LRFN5: variants seen among roughly 807,000 people sequenced by gnomAD.
The protein encoded by LRFN5 is leucine rich repeat and fibronectin type III domain containing 5.
Under a neutral mutation model 45.6 loss-of-function variants are expected in LRFN5, and 24 were observed. The ratio of observed to expected loss-of-function variants is 0.53; its 90% CI spans 0.38 to 0.74. The LOEUF (loss-of-function observed/expected upper bound fraction) is 0.74, where lower values mean the gene tolerates loss of function less well. Ranked by LOEUF, LRFN5 falls within the 30% of genes least tolerant of loss-of-function variation. LRFN5 has a pLI of 0.00. For missense variants in LRFN5, 776 were observed against 861.5 expected (o/e 0.90, Z 1.24); for synonymous variants, 340 against 313.8 (o/e 1.08, Z -0.88).
intron 1 of LRFN5, among the ~76,000 whole-genome samples, chr14:41,650,436 G>A (rs1479736582): frequency 6.6e-6 from 1 of 152,112 alleles, no homozygotes; most frequent in East Asian, 1.9e-4. Context: ...GTCAATCAGA[G>A]TGAAAATATA....
intron 1 of LRFN5, among the ~76,000 whole-genome samples, chr14:41,763,148 A>C (rs1885738996): frequency 6.6e-6 from 1 of 152,202 alleles, no homozygotes; most frequent in African/African-American, 2.4e-5. Flanking sequence ...CAATGCCTAT[A>C]ATGTATAAGG....
intron 2 of LRFN5, among the ~76,000 whole-genome samples, chr14:41,788,951 G>A (rs1886824421): frequency 6.6e-6 from 1 of 151,912 alleles, no homozygotes; most frequent in African/African-American, 2.4e-5. Context: ...TGAAAGGGTT[G>A]AGGAAAAATT....
intron 1 of LRFN5, among the ~76,000 whole-genome samples, chr14:41,618,489 A>T (rs1887996946): frequency 6.6e-6 from 1 of 152,214 alleles, no homozygotes; most frequent in Admixed American, 6.5e-5. Context: ...CCTGGCTAAC[A>T]GCCAGCTCCA....
rs1366265202 is a variant in LRFN5 at position 41,608,267 on chromosome 14, C to CTG, written c.-485_-484dup. 2 of 153,140 alleles carry CTG rather than the reference C, an allele frequency of 1.3e-5. No individual in the cohort carries two copies. The highest frequency in any genetic ancestry group is 2.9e-5 in the Non-Finnish European group (2 of 68,544). The allele number at this position is 153,140 out of a possible 1,614,324, so 9.5% of individuals were successfully genotyped here. A position where few individuals can be genotyped will look rare whatever the true frequency, so the allele number is the denominator to read the frequency against. On this transcript the variant is annotated 5_prime_UTR_variant, in exon 1 of 6. Coordinates refer to ENST00000298119, the MANE Select transcript of LRFN5 (RefSeq NM_152447.5). Reference sequence around the variant, plus strand: ...AGTGTGTGTGAGTGTGAGCGTGTGTCTGTGTGTGCGTGCGCGGCCGCCCTG... The same window carrying CTG: ...AGTGTGTGTGAGTGTGAGCGTGTGTCTGTGTGTGTGCGTGCGCGGCCGCCCTG...
intron 2 of LRFN5, among the ~76,000 whole-genome samples, chr14:41,835,898 G>A (rs1368169447): frequency 6.7e-6 from 1 of 150,354 alleles, no homozygotes; most frequent in East Asian, 1.9e-4. Context: ...ATTTTAATCA[G>A]GATAAAAAGT....
At chr14:41,690,122 A>C (rs1249574453) in intron 1 of LRFN5, among the ~76,000 whole-genome samples, 2 of 152,192 alleles carry the variant, frequency 1.3e-5, no homozygotes, top group African/African-American at 4.8e-5. Flanking sequence ...AAAACCTTGA[A>C]CACAGTACTT....
intron 1 of LRFN5, among the ~76,000 whole-genome samples, chr14:41,751,397 A>C (rs1023199109): frequency 6.6e-6 from 1 of 152,168 alleles, no homozygotes; most frequent in African/African-American, 2.4e-5. Context: ...TATTGAAAAA[A>C]AATTGAAATT....
chr14:41,639,399 G>A (rs1302167521), intron 1 of LRFN5, among the ~76,000 whole-genome samples: 1 of 152,136 alleles, frequency 6.6e-6, no homozygotes. Context: ...TTTATCCGCA[G>A]ATGAAGTGGA....
chr14:41,729,602 A>G (rs1389766338), intron 1 of LRFN5, among the ~76,000 whole-genome samples: 1 of 152,158 alleles, frequency 6.6e-6, no homozygotes, highest in Non-Finnish European at 1.5e-5. Context: ...GAAAGAATAC[A>G]TTATTTTGAG....
intron 1 of LRFN5, among the ~76,000 whole-genome samples, chr14:41,620,468 C>CA (rs1888084663): frequency 1.3e-5 from 2 of 151,996 alleles, no homozygotes; most frequent in African/African-American, 4.8e-5. Flanking sequence ...GTACATGTGT[C>CA]ACTCTTATTA....
At chr14:41,871,449 C>A (rs1035239578) in intron 2 of LRFN5, among the ~76,000 whole-genome samples, 19 of 151,976 alleles carry the variant, frequency 1.3e-4, no homozygotes, top group African/African-American at 4.3e-4. Flanking sequence ...ATTAGTTGGG[C>A]ATGGTGGTGG....
At chr14:41,773,501 CT>C (rs1441703103) in intron 2 of LRFN5, among the ~76,000 whole-genome samples, 1 of 152,070 alleles carries the variant, frequency 6.6e-6, no homozygotes, top group African/African-American at 2.4e-5. Flanking sequence ...ATTAAAATGC[CT>C]TTTTTATTAT....
At chr14:41,815,824 C>T (rs1483759856) in intron 2 of LRFN5, among the ~76,000 whole-genome samples, 1 of 151,960 alleles carries the variant, frequency 6.6e-6, no homozygotes, top group Non-Finnish European at 1.5e-5. Flanking sequence ...GTAATTGGAT[C>T]TTGTTTCTTG....
intron 1 of LRFN5, among the ~76,000 whole-genome samples, chr14:41,648,193 C>T (rs115774833): frequency 6.6e-6 from 1 of 151,976 alleles, no homozygotes; most frequent in East Asian, 1.9e-4. Context: ...AGTAATTTTT[C>T]AGAAGGCTCT....
intron 1 of LRFN5, chr14:41,731,715 A>G (rs1001846150): frequency 2.0e-5 from 3 of 152,154 alleles, no homozygotes; most frequent in Non-Finnish European, 4.4e-5. Context: ...ATTTGAAAAA[A>G]TATAAATTTG....
At chr14:41,662,384 T>TA (rs1880696037) in intron 1 of LRFN5, among the ~76,000 whole-genome samples, 1 of 151,924 alleles carries the variant, frequency 6.6e-6, no homozygotes, top group Non-Finnish European at 1.5e-5. Flanking sequence ...GGATATCCAT[T>TA]AAAAAAATAA....
chr14:41,861,315 G>T (rs943739944), intron 2 of LRFN5, among the ~76,000 whole-genome samples: 1 of 152,038 alleles, frequency 6.6e-6, no homozygotes, highest in Admixed American at 6.5e-5. Context: ...CTTATTCGTT[G>T]TTTCTTTGCT....
chr14:41,899,154 A>G (rs1360797535), intron 5 of LRFN5, among the ~76,000 whole-genome samples, 194 bp downstream of exon 5: 1 of 152,112 alleles, frequency 6.6e-6, no homozygotes, highest in Non-Finnish European at 1.5e-5. Flanking sequence ...AAATTTAGAG[A>G]TATTTGGGGT....
intron 2 of LRFN5, among the ~76,000 whole-genome samples, chr14:41,840,254 G>T (rs1888814271): frequency 6.6e-6 from 1 of 152,018 alleles, no homozygotes; most frequent in Non-Finnish European, 1.5e-5. Flanking sequence ...TCTCACCAAT[G>T]TAAAACTATC....
Sources: gnomAD v4.1 joint callset for allele counts (sites outside exome capture counted in the v4.1 genomes callset) on GRCh38, gnomAD v4.1.1 for gene constraint, MANE v1.5 for transcripts, NCBI Gene and HGNC (gene_info 2026-07-23, HGNC 2026-07-21) for gene names.